TTC34: variants seen among roughly 807,000 people sequenced by gnomAD.
The protein encoded by TTC34 is tetratricopeptide repeat protein 34.
Under a neutral mutation model 40.7 loss-of-function variants are expected in TTC34, and 44 were observed. That is an observed-to-expected ratio of 1.08 (90% confidence interval 0.85 to 1.39). The LOEUF (loss-of-function observed/expected upper bound fraction) is 1.39, where lower values mean the gene tolerates loss of function less well. TTC34 is among the 40% of genes most tolerant of loss of function. TTC34 has a pLI of 0.00. For missense variants in TTC34, 884 were observed against 838.0 expected, an observed-to-expected ratio of 1.05 and a Z score of -0.68; for synonymous variants, 422 against 398.6, an observed-to-expected ratio of 1.06 and a Z score of -0.70.
At position 2,650,258 on chromosome 1, in the gene TTC34, C is replaced by T. The variant is rs369329657; in HGVS notation, c.2227-4695G>A. Among the ~76,000 whole-genome samples the T allele has an allele frequency of 3.3e-4, 50 of 151,242 alleles. 1 individual carries two copies. In the East Asian group the frequency reaches 9.4e-3, roughly 28 times the overall value. ...ACAGCCTGGAATGGCACTCTACATCCCCAGGTGAGCTTCTGACAGCCTGGA... is the reference window on the plus strand; with the variant it reads ...ACAGCCTGGAATGGCACTCTACATCTCCAGGTGAGCTTCTGACAGCCTGGA... On this transcript the variant is annotated intron_variant, in intron 6 of 8. Coordinates refer to ENST00000401095, the Ensembl canonical transcript of TTC34.
chr1:2,782,836 A>C (rs1353555348), intron 6 of TTC34, among the ~76,000 whole-genome samples: 1 of 152,166 alleles, frequency 6.6e-6, no homozygotes, highest in Non-Finnish European at 1.5e-5. Flanking sequence ...AGCTGGACCC[A>C]ACTCTTCTGG....
chr1:2,692,416 A>AC (rs1412568280), intron 6 of TTC34, among the ~76,000 whole-genome samples: 3 of 88,264 alleles, frequency 3.4e-5, no homozygotes, highest in African/African-American at 3.9e-5. Flanking sequence ...CTGGAGCAGC[A>AC]CCCACACCCC....
intron 6 of TTC34, among the ~76,000 whole-genome samples, chr1:2,751,499 C>T (rs1225813606): frequency 2.4e-5 from 2 of 85,090 alleles, no homozygotes; most frequent in Non-Finnish European, 4.3e-5. Flanking sequence ...CCAGGTGAGC[C>T]TCTGACAGCC....
chr1:2,685,482 C>A (rs576542572), intron 6 of TTC34, among the ~76,000 whole-genome samples: 36 of 133,968 alleles, frequency 2.7e-4, no homozygotes, highest in African/African-American at 1.1e-3. Context: ...CCCACACCCC[C>A]AGGTGAGCAT....
At chr1:2,792,779 A>C (rs1051376624) in intron 2 of TTC34, among the ~76,000 whole-genome samples, 3 of 152,060 alleles carry the variant, frequency 2.0e-5, no homozygotes, top group Non-Finnish European at 4.4e-5. Flanking sequence ...CTTTCCATCC[A>C]TTTTTCTCAG....
Position 2,787,717 on chromosome 1 carries a change from A to G in TTC34, c.1629-11T>C. ...ACGCCGCAGGCGACCCTGTGTGGAG[A>G]TCAGCTCAGGGGGGCATGCCCCTTT... On this transcript the variant is annotated splice_polypyrimidine_tract_variant and intron_variant, in intron 3 of 8. Coordinates refer to ENST00000401095, the Ensembl canonical transcript of TTC34. 8.5e-6 allele frequency: 13 copies of G among 1,530,060 alleles called. No individual in the cohort carries two copies. Among genetic ancestry groups the G allele is most frequent in the Non-Finnish European group, 1.1e-5 (13 of 1,132,792 alleles). 94.8% of individuals were successfully genotyped at this position (1,530,060 alleles called of 1,614,324 possible). A position where few individuals can be genotyped will look rare whatever the true frequency, so the allele number is the denominator to read the frequency against.
At chr1:2,798,552 C>T (rs1643735887) in intron 2 of TTC34, among the ~76,000 whole-genome samples, 1 of 98,886 alleles carries the variant, frequency 1.0e-5, no homozygotes. Context: ...CCCCTCAGCT[C>T]CCCAGCCTCC....
intron 8 of TTC34, 76 bp downstream of exon 8, chr1:2,644,188 A>T: frequency 7.2e-7 from 1 of 1,390,916 alleles, no homozygotes; most frequent in Non-Finnish European, 9.7e-7. Context: ...AGGCTGCCCC[A>T]GTGGTGGGCC....
intron 6 of TTC34, among the ~76,000 whole-genome samples, chr1:2,682,036 G>T (rs1160508278): frequency 2.0e-5 from 2 of 99,750 alleles, no homozygotes; most frequent in Non-Finnish European, 4.1e-5. Context: ...CCACAGGTGA[G>T]CATCTGACAT....
chr1:2,760,453 G>A lies in TTC34; in HGVS notation c.2226+23156C>T, dbSNP rs1303420929. On this transcript the variant is annotated intron_variant, in intron 6 of 8. Transcript: ENST00000401095. ...TGGAGCAGCATCCACACACCCAGGC[G>A]AGAATCTGACAGCCTGGAACACCAC... Among the ~76,000 whole-genome samples the A allele has an allele frequency of 9.3e-5, 5 of 53,772 alleles. 1 individual carries two copies. The highest frequency in any genetic ancestry group is 1.5e-4 in the Non-Finnish European group (5 of 34,392). 35.3% of individuals were successfully genotyped at this position (53,772 alleles called of 152,430 possible).
At chr1:2,776,444 C>A (rs1302524356) in intron 6 of TTC34, 1 of 122,670 alleles carries the variant, frequency 8.2e-6, no homozygotes, top group African/African-American at 4.0e-5. Context: ...AAGACCACTG[C>A]CCCCAGGTGA....
At chr1:2,652,243 C>T (rs1420983145) in intron 6 of TTC34, among the ~76,000 whole-genome samples, 56 of 151,066 alleles carry the variant, frequency 3.7e-4, no homozygotes, top group African/African-American at 1.3e-3. Flanking sequence ...ACAGCACCCA[C>T]ACCCCCAGGT....
chr1:2,641,745 G>C (rs541777946), exon 9 of TTC34: 1 of 1,535,322 alleles, frequency 6.5e-7, no homozygotes, highest in East Asian at 2.4e-5. Context: ...CTAAGGGCCC[G>C]GCCAAACTCC....
intron 6 of TTC34, among the ~76,000 whole-genome samples, chr1:2,681,733 C>T (rs1200061583): frequency 9.2e-3 from 846 of 91,778 alleles, no homozygotes; most frequent in Middle Eastern, 0.026. Flanking sequence ...CAGCCTGGAG[C>T]GGAACCCACG....
chr1:2,755,889 G>A (rs1403859357), intron 6 of TTC34, among the ~76,000 whole-genome samples: 1 of 81,962 alleles, frequency 1.2e-5, no homozygotes, highest in Non-Finnish European at 2.1e-5. Context: ...TGACATCCTT[G>A]AGCAGCACCC....
intron 6 of TTC34, among the ~76,000 whole-genome samples, chr1:2,778,985 C>T (rs1643424928): frequency 1.3e-5 from 2 of 152,126 alleles, no homozygotes; most frequent in Admixed American, 1.3e-4. Flanking sequence ...TTCGATGACT[C>T]TAGGGACTTC....
intron 6 of TTC34, among the ~76,000 whole-genome samples, chr1:2,648,836 C>G (rs1272900194): frequency 6.6e-6 from 1 of 150,816 alleles, no homozygotes; most frequent in East Asian, 2.0e-4. Flanking sequence ...GCAGCATTCT[C>G]CAGCCCCAGG....
At chr1:2,750,635 AGC>A (rs1641286850) in intron 6 of TTC34, among the ~76,000 whole-genome samples, 6 of 106,870 alleles carry the variant, frequency 5.6e-5, no homozygotes, top group Admixed American at 1.9e-4. Context: ...AGCCTGGAGC[AGC>A]ACCCACACCC....
At chr1:2,644,191 G>T in intron 8 of TTC34, 73 bp downstream of exon 8, 1 of 1,416,822 alleles carries the variant, frequency 7.1e-7, no homozygotes, top group Non-Finnish European at 9.5e-7. Flanking sequence ...CTGCCCCAGT[G>T]GTGGGCCCGG....
Sources: gnomAD v4.1 joint callset for allele counts (sites outside exome capture counted in the v4.1 genomes callset) on GRCh38, gnomAD v4.1.1 for gene constraint, MANE v1.5 for transcripts, NCBI Gene and HGNC (gene_info 2026-07-23, HGNC 2026-07-21) for gene names.